CDK19: variants seen among roughly 807,000 people sequenced by gnomAD.
The protein encoded by CDK19 is cyclin-dependent kinase 19.
Under a neutral mutation model 68.3 loss-of-function variants are expected in CDK19, and 20 were observed. The observed-to-expected ratio is 0.29, with a 90% confidence interval of 0.21 to 0.43. The LOEUF is 0.43. CDK19 is among the 20% of genes least tolerant of loss of function. The pLI is 1.00. For missense variants in CDK19, 339 were observed against 623.5 expected, an observed-to-expected ratio of 0.54 and a Z score of 4.86; for synonymous variants, 221 against 222.8, an observed-to-expected ratio of 0.99 and a Z score of 0.07.
chr6:110,642,229 A>G (rs919565328), intron 4 of CDK19, among the ~76,000 whole-genome samples: 26 of 151,878 alleles, frequency 1.7e-4, no homozygotes, highest in Non-Finnish European at 4.4e-5. Context: ...TGAACCCGGA[A>G]AGCGGGAAAG....
At chr6:110,799,187 A>C (rs993800197) in intron 1 of CDK19, among the ~76,000 whole-genome samples, 5 of 150,634 alleles carry the variant, frequency 3.3e-5, no homozygotes, top group South Asian at 2.1e-4. Flanking sequence ...ATCTAAAAAC[A>C]ACCAAAAGAA....
intron 6 of CDK19, among the ~76,000 whole-genome samples, chr6:110,631,241 C>T (rs1779416468): frequency 6.6e-6 from 1 of 152,086 alleles, no homozygotes; most frequent in African/African-American, 2.4e-5. Flanking sequence ...AATTTGGATA[C>T]CTTGTAGAAC....
chr6:110,714,270 T>C lies in CDK19; in HGVS notation c.204+31856A>G, dbSNP rs532323147. On this transcript the variant is annotated intron_variant, in intron 2 of 12. Coordinates refer to ENST00000368911, the MANE Select transcript of CDK19 (RefSeq NM_015076.5). Reference sequence around the variant, plus strand: ...GTGTGGCCAGTATGGCTGAATAATATTCCCTTATATGGATATAGCACATTT... The same window carrying C: ...GTGTGGCCAGTATGGCTGAATAATACTCCCTTATATGGATATAGCACATTT... 3.0e-4 allele frequency among the ~76,000 whole-genome samples: 45 copies of C among 152,372 alleles called. 1 individual carries two copies. Among genetic ancestry groups the C allele is most frequent in the African/African-American group, 2.4e-5 (1 of 41,584 alleles).
chr6:110,735,223 A>T (rs1466984046), intron 2 of CDK19, among the ~76,000 whole-genome samples: 1 of 151,982 alleles, frequency 6.6e-6, no homozygotes, highest in African/African-American at 2.4e-5. Context: ...CTGGGTTTAC[A>T]GGCATCAGCC....
intron 2 of CDK19, among the ~76,000 whole-genome samples, chr6:110,735,110 T>C (rs1325097130): frequency 4.8e-5 from 7 of 146,160 alleles, no homozygotes; most frequent in Non-Finnish European, 1.1e-4. Context: ...TTTTTAATCT[T>C]CTTTTTTTTT....
intron 1 of CDK19, among the ~76,000 whole-genome samples, chr6:110,794,559 G>C (rs1297711695): frequency 1.3e-5 from 2 of 150,862 alleles, no homozygotes; most frequent in Non-Finnish European, 2.9e-5. Context: ...CCACCACCAC[G>C]TCCAGCTAAT....
At chr6:110,652,218 T>C (rs951648086) in intron 4 of CDK19, among the ~76,000 whole-genome samples, 3 of 152,142 alleles carry the variant, frequency 2.0e-5, no homozygotes, top group Non-Finnish European at 4.4e-5. Flanking sequence ...AAAACCTAGA[T>C]AGCACAGGGT....
chr6:110,698,805 G>A (rs181884557), intron 2 of CDK19, among the ~76,000 whole-genome samples: 384 of 152,264 alleles, frequency 2.5e-3, no homozygotes, highest in African/African-American at 8.3e-3. Flanking sequence ...ATAGCCAGGT[G>A]CAGTGGCTCA....
intron 3 of CDK19, among the ~76,000 whole-genome samples, chr6:110,667,847 T>C (rs1033775253): frequency 3.9e-5 from 6 of 152,142 alleles, no homozygotes; most frequent in Non-Finnish European, 7.3e-5. Flanking sequence ...AGGACTGATA[T>C]TGAAACAGCT....
chr6:110,710,368 T>G (rs1017382122), intron 2 of CDK19, among the ~76,000 whole-genome samples: 1 of 152,154 alleles, frequency 6.6e-6, no homozygotes, highest in African/African-American at 2.4e-5. Context: ...ACTGCCAGAA[T>G]TGGCTGACTT....
intron 1 of CDK19, among the ~76,000 whole-genome samples, chr6:110,812,813 A>T (rs1054625598): frequency 2.7e-5 from 2 of 73,616 alleles, no homozygotes; most frequent in South Asian, 5.9e-4. Context: ...TTAAAACAGT[A>T]AAAAAAAAAA....
chr6:110,792,467 G>A (rs7742498), intron 1 of CDK19, among the ~76,000 whole-genome samples: 3,510 of 134,868 alleles, frequency 0.026, 121 homozygotes, highest in African/African-American at 0.09. Flanking sequence ...CACTGCAGTG[G>A]CACAATCTCA....
At chr6:110,677,916 C>G (rs577553460) in intron 2 of CDK19, among the ~76,000 whole-genome samples, 1 of 152,322 alleles carries the variant, frequency 6.6e-6, no homozygotes, top group Non-Finnish European at 1.5e-5. Context: ...GTGGCACGAT[C>G]ATAGCTCACT....
At chr6:110,785,281 A>C (rs1781123381) in intron 1 of CDK19, among the ~76,000 whole-genome samples, 1 of 152,112 alleles carries the variant, frequency 6.6e-6, no homozygotes. Flanking sequence ...TCCTTGAACA[A>C]CACAGGGCTT....
At chr6:110,802,476 T>C (rs1782408011) in intron 1 of CDK19, among the ~76,000 whole-genome samples, 1 of 152,016 alleles carries the variant, frequency 6.6e-6, no homozygotes, top group South Asian at 2.1e-4. Context: ...AGCTAAACAA[T>C]GGGTACACAC....
intron 1 of CDK19, among the ~76,000 whole-genome samples, chr6:110,799,849 C>T (rs527608772): frequency 1.1e-4 from 16 of 152,252 alleles, no homozygotes; most frequent in African/African-American, 2.6e-4. Context: ...GCAATCCACC[C>T]GCCTAGACCT....
intron 1 of CDK19, among the ~76,000 whole-genome samples, chr6:110,782,192 G>A (rs545341929): frequency 6.6e-6 from 1 of 152,262 alleles, no homozygotes; most frequent in South Asian, 2.1e-4. Flanking sequence ...AAGAACAAAA[G>A]GACAGACTTT....
At chr6:110,721,931 T>G (rs1287357286) in intron 2 of CDK19, among the ~76,000 whole-genome samples, 1 of 152,094 alleles carries the variant, frequency 6.6e-6, no homozygotes, top group East Asian at 1.9e-4. Context: ...GCCATTGCGC[T>G]CCAGCCTGGG....
At chr6:110,676,225 C>T (rs2114484909) in intron 2 of CDK19, among the ~76,000 whole-genome samples, 1 of 152,242 alleles carries the variant, frequency 6.6e-6, no homozygotes. Context: ...AGAAGTAGAG[C>T]TTGAGGATTA....
Sources: gnomAD v4.1 joint callset for allele counts (sites outside exome capture counted in the v4.1 genomes callset) on GRCh38, gnomAD v4.1.1 for gene constraint, MANE v1.5 for transcripts, NCBI Gene and HGNC (gene_info 2026-07-23, HGNC 2026-07-21) for gene names.